RASSF8: variants seen among roughly 807,000 people sequenced by gnomAD.
RASSF8 encodes ras association domain-containing protein 8.
Under a neutral mutation model 48.5 loss-of-function variants are expected in RASSF8, and 22 were observed. That is an observed-to-expected ratio of 0.45 (90% CI 0.32 to 0.65). The LOEUF (loss-of-function observed/expected upper bound fraction) is 0.65. Among genes scored for constraint, RASSF8 ranks in the 30% least tolerant of loss-of-function variants. RASSF8 has a pLI of 0.03. For missense variants in RASSF8, 418 were observed against 489.2 expected (o/e 0.85, Z 1.37); for synonymous variants, 127 against 171.5 (o/e 0.74, Z 2.03).
intron 3 of RASSF8, among the ~76,000 whole-genome samples, chr12:26,061,554 T>C (rs1032048787): frequency 6.7e-6 from 1 of 150,244 alleles, no homozygotes; most frequent in Non-Finnish European, 1.5e-5. Context: ...ACAAATGCCA[T>C]AGATAGACAG....
chr12:26,055,227 C>CT lies in RASSF8; in HGVS notation c.-108-3dup, dbSNP rs766123974. The stretch of plus-strand genomic sequence containing the variant: ...ATTTTATTACAAGTGATTTTTTGCC[C>CT]TTTTTTAGCTGACTACACAGACTTA... On this transcript the variant is annotated splice_polypyrimidine_tract_variant and intron_variant, in intron 2 of 5. Coordinates refer to ENST00000689635, the MANE Select transcript of RASSF8 (RefSeq NM_001394098.1). 120 of 791,144 alleles carry CT rather than the reference C, an allele frequency of 1.5e-4. No homozygotes were observed. The highest frequency in any genetic ancestry group is 2.4e-4 in the Non-Finnish European group (110 of 463,902). 49.0% of individuals were successfully genotyped at this position (791,144 alleles called of 1,614,324 possible).
At chr12:26,074,868 A>G (rs1051482979), downstream of RASSF8, among the ~76,000 whole-genome samples, 4 of 152,200 alleles carry the variant, frequency 2.6e-5, no homozygotes, top group African/African-American at 9.7e-5. Flanking sequence ...GGAAGTAGGC[A>G]TCTGATCATG....
At chr12:25,961,990 C>T (rs565365677) in intron 1 of RASSF8, among the ~76,000 whole-genome samples, 1 of 152,166 alleles carries the variant, frequency 6.6e-6, no homozygotes, top group South Asian at 2.1e-4. Flanking sequence ...TATCTTTTTC[C>T]TTGGTGCGGT....
chr12:26,006,740 G>A (rs529872519), intron 2 of RASSF8, among the ~76,000 whole-genome samples: 11 of 152,142 alleles, frequency 7.2e-5, no homozygotes, highest in South Asian at 2.1e-4. Context: ...CTCATGGTGC[G>A]TGCTCAGAGA....
At chr12:26,030,907 G>A (rs1311432750) in intron 2 of RASSF8, among the ~76,000 whole-genome samples, 1 of 152,100 alleles carries the variant, frequency 6.6e-6, no homozygotes, top group East Asian at 1.9e-4. Flanking sequence ...TAGACAGTAC[G>A]TAAATGAATG....
chr12:26,075,592 A>T (rs2137355145), downstream of RASSF8, among the ~76,000 whole-genome samples: 1 of 152,282 alleles, frequency 6.6e-6, no homozygotes, highest in Non-Finnish European at 1.5e-5. Flanking sequence ...GTCCAAGGTG[A>T]TAGAGGGTCT....
At chr12:26,054,706 A>G (rs1468859345) in intron 2 of RASSF8, among the ~76,000 whole-genome samples, 1 of 152,094 alleles carries the variant, frequency 6.6e-6, no homozygotes, top group Non-Finnish European at 1.5e-5. Context: ...AGGGAAAAAA[A>G]TATTAGGAAG....
intron 2 of RASSF8, among the ~76,000 whole-genome samples, chr12:26,028,089 A>G (rs571739600): frequency 6.6e-6 from 1 of 152,228 alleles, no homozygotes; most frequent in Non-Finnish European, 1.5e-5. Context: ...AGCAGGGGAC[A>G]GATTATAGTT....
intron 1 of RASSF8, among the ~76,000 whole-genome samples, chr12:25,964,551 G>A (rs911452934): frequency 2.6e-5 from 4 of 152,230 alleles, no homozygotes; most frequent in Admixed American, 2.0e-4. Flanking sequence ...TCATTGGCTC[G>A]TGAGTGCTAA....
chr12:25,994,413 C>A (rs944259645), intron 1 of RASSF8, among the ~76,000 whole-genome samples: 1 of 152,140 alleles, frequency 6.6e-6, no homozygotes, highest in African/African-American at 2.4e-5. Context: ...TCCCATCTTG[C>A]GGCCAAGATT....
In RASSF8 at chr12:26,035,579, A is replaced by G. The variant is rs1013460278; in HGVS notation, c.-108-19657A>G. 2.6e-4 allele frequency among the ~76,000 whole-genome samples: 37 copies of G among 143,270 alleles called. No individual in the cohort carries two copies. In the East Asian group the frequency reaches 7.1e-3, roughly 27 times the overall value. 94.0% of individuals were successfully genotyped at this position (143,270 alleles called of 152,430 possible). On this transcript the variant is annotated intron_variant, in intron 2 of 5. Transcript: ENST00000689635. ...ATATATTTTATATTATATATTGTAT[A>G]TATAATTTTATATTGTATACATAAT...
intron 2 of RASSF8, among the ~76,000 whole-genome samples, chr12:25,998,537 C>T (rs549365832): frequency 3.9e-5 from 6 of 152,028 alleles, no homozygotes; most frequent in South Asian, 2.1e-4. Context: ...TTATTACAGA[C>T]GGGGTTACAC....
At position 26,071,794 on chromosome 12, in the gene RASSF8, T is replaced by TA. The variant is rs1244677924; in HGVS notation, c.*2981dup. 4.1e-6 allele frequency: 4 copies of TA among 967,612 alleles called. No homozygotes were observed. The East Asian group carries it at 4.7e-4, about 113-fold the overall frequency. The allele number at this position is 967,612 out of a possible 1,614,324, so 59.9% of individuals were successfully genotyped here. A position where few individuals can be genotyped will look rare whatever the true frequency, so the allele number is the denominator to read the frequency against. Reference sequence around the variant, plus strand: ...AAGAGCTACAGCAAGACTGATAGAGTAAAAACTATATAAATACAGTAAAAA... The same window carrying TA: ...AAGAGCTACAGCAAGACTGATAGAGTAAAAAACTATATAAATACAGTAAAAA... On this transcript the variant is annotated 3_prime_UTR_variant, in exon 6 of 6. Transcript: ENST00000689635.
intron 1 of RASSF8, among the ~76,000 whole-genome samples, chr12:25,977,352 T>C (rs1387862359): frequency 6.6e-6 from 1 of 152,234 alleles, no homozygotes; most frequent in Non-Finnish European, 1.5e-5. Flanking sequence ...GCTATAACCG[T>C]GACCATTACA....
intron 1 of RASSF8, among the ~76,000 whole-genome samples, chr12:25,968,766 G>T (rs1004636466): frequency 6.6e-6 from 1 of 152,174 alleles, no homozygotes; most frequent in South Asian, 2.1e-4. Flanking sequence ...CTGTACTAGG[G>T]GGAGAGAGAT....
At chr12:26,006,010 C>T (rs1186576949) in intron 2 of RASSF8, among the ~76,000 whole-genome samples, 1 of 152,166 alleles carries the variant, frequency 6.6e-6, no homozygotes, top group Non-Finnish European at 1.5e-5. Flanking sequence ...TTAAACCTTT[C>T]TCTTCCGTTG....
chr12:25,986,824 G>A (rs993545376), intron 1 of RASSF8, among the ~76,000 whole-genome samples: 15 of 151,712 alleles, frequency 9.9e-5, no homozygotes, highest in African/African-American at 3.4e-4. Flanking sequence ...ATTTCCTTTC[G>A]TTATCCACTT....
chr12:26,007,932 G>A (rs1426101580), intron 2 of RASSF8, among the ~76,000 whole-genome samples: 2 of 152,092 alleles, frequency 1.3e-5, no homozygotes, highest in Admixed American at 6.5e-5. Flanking sequence ...ATCATCTCAA[G>A]ACATTAAATA....
chr12:26,039,755 G>A (rs945490197), intron 2 of RASSF8, among the ~76,000 whole-genome samples: 3 of 152,142 alleles, frequency 2.0e-5, no homozygotes, highest in Non-Finnish European at 4.4e-5. Context: ...GAATCACCCT[G>A]TGACCTGGGA....
Sources: allele counts gnomAD v4.1 joint callset (sites outside exome capture counted in the v4.1 genomes callset), GRCh38; gene constraint gnomAD v4.1.1; transcripts MANE v1.5; gene names NCBI Gene and HGNC (gene_info 2026-07-23, HGNC 2026-07-21).